The following NRXN3 variants were observed in gnomAD, a reference collection of about 807,000 sequenced individuals.
The protein encoded by NRXN3 is neurexin III.
NRXN3 carries 32 observed loss-of-function variants against 137.6 expected under a neutral mutation model. The observed-to-expected ratio is 0.23, with a 90% CI of 0.18 to 0.31. The LOEUF (loss-of-function observed/expected upper bound fraction) is 0.31. NRXN3 is among the 10% of genes least tolerant of loss of function. NRXN3 has a pLI of 1.00. For missense variants in NRXN3, 1,574 were observed against 2,062.5 expected, an observed-to-expected ratio of 0.76 and a Z score of 4.59; for synonymous variants, 798 against 784.5, an observed-to-expected ratio of 1.02 and a Z score of -0.29.
At chr14:79,696,378 T>C (rs1603436231) in intron 18 of NRXN3, among the ~76,000 whole-genome samples, 2 of 152,012 alleles carry the variant, frequency 1.3e-5, no homozygotes, top group East Asian at 3.9e-4. Context: ...GGTGATTAGA[T>C]TAAGAATGAG....
chr14:78,265,051 T>G (rs555975704), intron 2 of NRXN3, among the ~76,000 whole-genome samples: 25 of 152,378 alleles, frequency 1.6e-4, no homozygotes, highest in Non-Finnish European at 2.8e-4. Flanking sequence ...GAAATTTGGC[T>G]ACTTGCTTTT....
chr14:78,891,279 A>G (rs1031833544), intron 10 of NRXN3, among the ~76,000 whole-genome samples: 1 of 151,968 alleles, frequency 6.6e-6, no homozygotes, highest in Non-Finnish European at 1.5e-5. Flanking sequence ...ATTATTGTCC[A>G]TATTTTACTA....
chr14:78,975,431 G>A (rs113996227), intron 14 of NRXN3, among the ~76,000 whole-genome samples: 2 of 152,148 alleles, frequency 1.3e-5, no homozygotes, highest in African/African-American at 2.4e-5. Flanking sequence ...GTGTGTGGGG[G>A]GATATGATAG....
At chr14:78,773,833 C>CAA (rs1412625205) in intron 8 of NRXN3, among the ~76,000 whole-genome samples, 3 of 152,092 alleles carry the variant, frequency 2.0e-5, no homozygotes, top group African/African-American at 7.2e-5. Context: ...GATGGAGTCT[C>CAA]ACTCTGTCAC....
intron 15 of NRXN3, chr14:79,249,009 C>G (rs553482481): frequency 6.6e-6 from 1 of 152,120 alleles, no homozygotes; most frequent in Non-Finnish European, 1.5e-5. Flanking sequence ...CCAAAACTCT[C>G]CTGGTGGGAG....
chr14:79,316,754 C>CTCTG (rs1697107741), intron 15 of NRXN3, among the ~76,000 whole-genome samples: 1 of 151,934 alleles, frequency 6.6e-6, no homozygotes, highest in South Asian at 2.1e-4. Context: ...CTCTCTCTCT[C>CTCTG]TCTCTCTCTA....
At chr14:79,795,875 C>T (rs2099159581) in intron 19 of NRXN3, among the ~76,000 whole-genome samples, 1 of 152,074 alleles carries the variant, frequency 6.6e-6, no homozygotes, top group South Asian at 2.1e-4. Flanking sequence ...CTTGTGTTTA[C>T]ATCTTCTTGA....
At chr14:79,478,746 G>T (rs2096581626) in intron 16 of NRXN3, among the ~76,000 whole-genome samples, 1 of 152,008 alleles carries the variant, frequency 6.6e-6, no homozygotes, top group Admixed American at 6.6e-5. Context: ...CACAGCTCTT[G>T]GTACCTAAGG....
intron 14 of NRXN3, among the ~76,000 whole-genome samples, chr14:78,985,881 A>T (rs1021550579): frequency 1.3e-5 from 2 of 152,234 alleles, no homozygotes; most frequent in Non-Finnish European, 2.9e-5. Context: ...ACATGACCAC[A>T]TACCTCCTTT....
At chr14:78,959,934 C>T (rs142389926) in intron 11 of NRXN3, among the ~76,000 whole-genome samples, 98 of 152,154 alleles carry the variant, frequency 6.4e-4, no homozygotes, top group African/African-American at 2.0e-3. Flanking sequence ...TTTCATTTTC[C>T]CTGGAAAATA....
intron 16 of NRXN3, among the ~76,000 whole-genome samples, chr14:79,603,002 C>T (rs1284739201): frequency 6.6e-6 from 1 of 152,138 alleles, no homozygotes; most frequent in African/African-American, 2.4e-5. Context: ...CTTGACTCAT[C>T]TCTCACCTCT....
chr14:78,765,657 C>T (rs2098706495), intron 8 of NRXN3, among the ~76,000 whole-genome samples: 1 of 152,136 alleles, frequency 6.6e-6, no homozygotes, highest in South Asian at 2.1e-4. Flanking sequence ...TGTATTGCTA[C>T]TCTCTAGTAG....
rs565023226 is a variant in NRXN3 at position 79,700,391 on chromosome 14, G to A, written c.4014+2454G>A. Among the ~76,000 whole-genome samples the A allele has an allele frequency of 1.8e-3, 281 of 152,132 alleles. 9 individuals are homozygous for A. Among genetic ancestry groups the A allele is most frequent in the Middle Eastern group, 0.01 (3 of 294 alleles). On this transcript the variant is annotated intron_variant, in intron 19 of 20. Transcript: ENST00000335750. ...CCATTATTCACTTTTTTATCTATAT[G>A]TGAAATCATACATAGAACATTTTCC...
intron 15 of NRXN3, among the ~76,000 whole-genome samples, chr14:79,336,103 A>G (rs1379309937): frequency 6.6e-6 from 1 of 152,202 alleles, no homozygotes; most frequent in Non-Finnish European, 1.5e-5. Flanking sequence ...AGCTTACAGA[A>G]TCAAAGCAAA....
rs187237180 is a variant in NRXN3, at chr14:78,722,100, A to C, written c.2044+6961A>C. On this transcript the variant is annotated intron_variant, in intron 8 of 20. Transcript: ENST00000335750. ...ATCACAGCTGGTCCTGTTACTCTAAAAAAGAGTATCAGGATTGTAGATTCC... is the reference window on the plus strand; with the variant it reads ...ATCACAGCTGGTCCTGTTACTCTAACAAAGAGTATCAGGATTGTAGATTCC... Among the ~76,000 whole-genome samples, 318 of 152,320 alleles carry C rather than the reference A, an allele frequency of 2.1e-3. 5 individuals carry two copies. Among genetic ancestry groups the C allele is most frequent in the Admixed American group, 0.018 (282 of 15,298 alleles).
At chr14:78,584,957 T>C (rs1219273786) in intron 4 of NRXN3, among the ~76,000 whole-genome samples, 1 of 152,176 alleles carries the variant, frequency 6.6e-6, no homozygotes, top group African/African-American at 2.4e-5. Flanking sequence ...CAATATCTAC[T>C]CCATAACAGG....
intron 4 of NRXN3, among the ~76,000 whole-genome samples, chr14:78,316,258 G>A (rs902754270): frequency 3.3e-5 from 5 of 152,066 alleles, no homozygotes; most frequent in Admixed American, 2.0e-4. Flanking sequence ...CTTTAAATAT[G>A]GTGACAGGAG....
chr14:78,603,522 G>C (rs542547690), intron 4 of NRXN3, among the ~76,000 whole-genome samples: 3 of 152,170 alleles, frequency 2.0e-5, no homozygotes, highest in Non-Finnish European at 4.4e-5. Context: ...TGGTAGGAAA[G>C]GACAGAAGAT....
At chr14:79,829,414 C>T (rs1477741765) in intron 20 of NRXN3, among the ~76,000 whole-genome samples, 1 of 152,144 alleles carries the variant, frequency 6.6e-6, no homozygotes, top group African/African-American at 2.4e-5. Flanking sequence ...TGTTATTGCC[C>T]ATGCATGGTC....
Sources: allele counts gnomAD v4.1 joint callset (sites outside exome capture counted in the v4.1 genomes callset), GRCh38; gene constraint gnomAD v4.1.1; transcripts MANE v1.5; gene names NCBI Gene and HGNC (gene_info 2026-07-23, HGNC 2026-07-21).